PPP1R9A: variants seen among roughly 807,000 people sequenced by gnomAD.
The protein encoded by PPP1R9A is protein phosphatase 1 regulatory subunit 9A, also known as neurabin-1.
In PPP1R9A, 59 loss-of-function variants were observed where a neutral mutation model predicts 141.9. The observed-to-expected ratio is 0.42, with a 90% CI of 0.34 to 0.52. The LOEUF is 0.52. PPP1R9A is among the 20% of genes least tolerant of loss of function. The pLI is 0.10. For synonymous variants in PPP1R9A, 500 were observed against 569.7 expected (o/e 0.88, Z 1.74); for missense variants, 1,444 against 1,611.9 (o/e 0.90, Z 1.78).
chr7:95,199,194 G>A (rs1366000134), intron 6 of PPP1R9A, among the ~76,000 whole-genome samples: 2 of 152,278 alleles, frequency 1.3e-5, no homozygotes, highest in East Asian at 1.9e-4. Flanking sequence ...TATTTCTAAT[G>A]TCTTTGAAAT....
intron 5 of PPP1R9A, among the ~76,000 whole-genome samples, chr7:95,185,365 ACT>A (rs1834487862): frequency 8.5e-6 from 1 of 117,822 alleles, no homozygotes; most frequent in Admixed American, 9.1e-5. Context: ...TCCCTAGCCC[ACT>A]TTTTTATGGG....
chr7:94,940,149 TGCTCTAG>T (rs1795183817), intron 2 of PPP1R9A, among the ~76,000 whole-genome samples: 1 of 152,120 alleles, frequency 6.6e-6, no homozygotes, highest in South Asian at 2.1e-4. Context: ...TAATGTGTCA[TGCTCTAG>T]GCTAAGTAAC....
Position 95,061,725 on chromosome 7 carries a change from A to G in PPP1R9A, c.1396-49534A>G, listed in dbSNP as rs1211048001. ...CCCTCCAGCTGGGTGACAGAATGAG[A>G]CCCTGTGTCGAATGAATGAATGAAA... On this transcript the variant is annotated intron_variant, in intron 2 of 19. Transcript: ENST00000433360. 3.3e-5 allele frequency among the ~76,000 whole-genome samples: 5 copies of G among 151,960 alleles called. No individual in the cohort carries two copies. The East Asian group carries it at 9.7e-4, about 29-fold the overall frequency.
chr7:95,037,918 A>G (rs1376670578), intron 2 of PPP1R9A, among the ~76,000 whole-genome samples: 2 of 150,412 alleles, frequency 1.3e-5, no homozygotes, highest in Non-Finnish European at 1.5e-5. Flanking sequence ...CAGCCTGGGC[A>G]ATATAGGGAA....
intron 2 of PPP1R9A, among the ~76,000 whole-genome samples, chr7:94,999,706 A>G (rs1802621588): frequency 6.6e-6 from 1 of 152,120 alleles, no homozygotes; most frequent in Admixed American, 6.5e-5. Context: ...ATCGTGTGCA[A>G]CTGTTTGAGT....
chr7:95,251,918 G>C lies in PPP1R9A; in HGVS notation c.2494-41G>C, dbSNP rs779440363. ...ATGGTTTTGCTGTACTTGGAGGGGA[G>C]CGCTAGTTTAGAGTTTTATAAATGG... is the stretch of plus-strand genomic sequence containing the variant. On this transcript the variant is annotated intron_variant, in intron 11 of 19. Coordinates refer to ENST00000433360, the MANE Select transcript of PPP1R9A (RefSeq NM_001166160.2). The C allele has an allele frequency of 9.9e-6, 16 of 1,608,516 alleles. No individual in the cohort carries two copies. In the African/African-American group the frequency reaches 2.1e-4, roughly 22 times the overall value.
Position 94,910,473 on chromosome 7 carries a change from T to A in PPP1R9A, c.360T>A (p.Val120=). ...CAGTTGTTAAGTTGGAGTCTTCTGTTTCTGAACGAATTAGTAGATTTGACA... is the reference window on the plus strand; with the variant it reads ...CAGTTGTTAAGTTGGAGTCTTCTGTATCTGAACGAATTAGTAGATTTGACA... ...DGSVVKLESS[V]SERISRFDTM... is the part of the protein sequence containing the mutation. The change falls in exon 2 of 20, where the codon GTT becomes GTA. Residue 120 remains valine, a synonymous_variant. Transcript: ENST00000433360. The surrounding 1 kb of genome is among the most constrained non-coding windows in gnomAD (Gnocchi z 4.5). 1 of 1,614,190 alleles carries A rather than the reference T, an allele frequency of 6.2e-7. No individual in the cohort carries two copies. The highest frequency in any genetic ancestry group is 1.1e-5 in the South Asian group (1 of 91,080).
intron 4 of PPP1R9A, among the ~76,000 whole-genome samples, chr7:95,157,157 C>T (rs1374478846): frequency 6.6e-6 from 1 of 152,196 alleles, no homozygotes; most frequent in East Asian, 1.9e-4. Context: ...CCCCGATTTG[C>T]TCCAAGATGG....
chr7:95,268,909 A>G (rs1356281097), intron 13 of PPP1R9A, among the ~76,000 whole-genome samples: 1 of 152,216 alleles, frequency 6.6e-6, no homozygotes, highest in African/African-American at 2.4e-5. Context: ...TGAACTAACC[A>G]AGAGCATTAT....
chr7:95,013,715 T>C (rs1175073174), intron 2 of PPP1R9A, among the ~76,000 whole-genome samples: 1 of 152,146 alleles, frequency 6.6e-6, no homozygotes, highest in Non-Finnish European at 1.5e-5. Context: ...TTAGTTTGGT[T>C]TGCTACCAGT....
At chr7:95,138,489 C>T (rs1826078454) in intron 4 of PPP1R9A, among the ~76,000 whole-genome samples, 1 of 152,072 alleles carries the variant, frequency 6.6e-6, no homozygotes, top group Non-Finnish European at 1.5e-5. Flanking sequence ...AGACAGGACA[C>T]AAAGTACGAA....
intron 5 of PPP1R9A, among the ~76,000 whole-genome samples, chr7:95,176,032 A>G (rs1832849016): frequency 6.6e-6 from 1 of 152,048 alleles, no homozygotes; most frequent in South Asian, 2.1e-4. Flanking sequence ...TTTTAGCTCC[A>G]TAACGACTGC....
intron 7 of PPP1R9A, among the ~76,000 whole-genome samples, chr7:95,210,012 G>T (rs1216826183): frequency 2.0e-5 from 3 of 152,132 alleles, no homozygotes; most frequent in African/African-American, 7.2e-5. Context: ...TGAATTTGCA[G>T]TGTGACATTT....
At chr7:95,207,304 T>C (rs1333691140) in intron 7 of PPP1R9A, among the ~76,000 whole-genome samples, 1 of 151,970 alleles carries the variant, frequency 6.6e-6, no homozygotes, top group African/African-American at 2.4e-5. Flanking sequence ...AGAACAAATA[T>C]CTCCAATTGC....
At chr7:94,909,176 T>A (rs796374487) in intron 1 of PPP1R9A, among the ~76,000 whole-genome samples, 5 of 152,338 alleles carry the variant, frequency 3.3e-5, no homozygotes, top group African/African-American at 1.2e-4. Context: ...GTATATTTGC[T>A]TTCTGATTGT....
chr7:94,984,947 C>T (rs917031496), intron 2 of PPP1R9A, among the ~76,000 whole-genome samples: 1 of 152,106 alleles, frequency 6.6e-6, no homozygotes, highest in Non-Finnish European at 1.5e-5. Context: ...TTTGATCTTT[C>T]CTGCTTTCTC....
At chr7:94,966,955 T>C (rs1458384158) in intron 2 of PPP1R9A, among the ~76,000 whole-genome samples, 1 of 152,190 alleles carries the variant, frequency 6.6e-6, no homozygotes, top group Non-Finnish European at 1.5e-5. Flanking sequence ...TGGGCTTTTT[T>C]TCGTTGGTAG....
intron 4 of PPP1R9A, among the ~76,000 whole-genome samples, chr7:95,158,380 G>C (rs1829960269): frequency 6.6e-6 from 1 of 152,094 alleles, no homozygotes; most frequent in African/African-American, 2.4e-5. Flanking sequence ...ATAGGCCCAA[G>C]GCAGTGGCTC....
chr7:94,972,183 G>A (rs1235557330), intron 2 of PPP1R9A, among the ~76,000 whole-genome samples: 5 of 152,068 alleles, frequency 3.3e-5, no homozygotes, highest in African/African-American at 9.7e-5. Flanking sequence ...CCTTGGTATT[G>A]TACTGTACTT....
Sources: gnomAD v4.1 joint callset for allele counts (sites outside exome capture counted in the v4.1 genomes callset) on GRCh38, gnomAD v4.1.1 for gene constraint, Gnocchi (gnomAD v3.1) non-coding constraint, MANE v1.5 for transcripts, NCBI Gene and HGNC (gene_info 2026-07-23, HGNC 2026-07-21) for gene names.